WSCD1: variants seen among roughly 807,000 people sequenced by gnomAD.
WSCD1 encodes the protein sialate:O-sulfotransferase 1.
WSCD1 carries 41 observed loss-of-function variants against 60.4 expected under a neutral mutation model. The observed-to-expected ratio is 0.68, with a 90% CI of 0.53 to 0.88. The LOEUF (loss-of-function observed/expected upper bound fraction) is 0.88, where lower values mean the gene tolerates loss of function less well. Ranked by LOEUF, WSCD1 falls within the 40% of genes least tolerant of loss-of-function variation. The pLI is 0.00. For synonymous variants in WSCD1, 361 were observed against 332.5 expected, an observed-to-expected ratio of 1.09 and a Z score of -0.93; for missense variants, 784 against 796.2, an observed-to-expected ratio of 0.98 and a Z score of 0.18.
intron 1 of WSCD1, among the ~76,000 whole-genome samples, chr17:6,076,237 C>T (rs1183021279): frequency 6.6e-6 from 1 of 152,100 alleles, no homozygotes; most frequent in East Asian, 1.9e-4. Flanking sequence ...ATGGGGTATG[C>T]GGGGCATTTG....
rs972842866 is a variant in WSCD1, at chr17:6,110,691, G to C, written c.1010-80G>C. ...ATTAAATGGGAGTCTTCGTTCATCA[G>C]TTCCTCTAAGGGAGTTTAGTGGTGA... On this transcript the variant is annotated intron_variant, in intron 6 of 8. Coordinates refer to ENST00000317744, the MANE Select transcript of WSCD1 (RefSeq NM_015253.2). This position sits in a 1 kb window ranked among gnomAD's most constrained non-coding sequence, Gnocchi z 4.8. 2 of 1,494,838 alleles carry C rather than the reference G, an allele frequency of 1.3e-6. No homozygotes were observed. Among genetic ancestry groups the C allele is most frequent in the Non-Finnish European group, 1.8e-6 (2 of 1,110,364 alleles). The allele number at this position is 1,494,838 out of a possible 1,614,324, so 92.6% of individuals were successfully genotyped here.
intron 5 of WSCD1, among the ~76,000 whole-genome samples, chr17:6,107,643 A>G (rs1303292873): frequency 6.6e-6 from 1 of 152,194 alleles, no homozygotes; most frequent in African/African-American, 2.4e-5. Flanking sequence ...TGAGACACAG[A>G]TGGGCCGCCG....
chr17:6,099,385 C>T (rs997825703), intron 5 of WSCD1, among the ~76,000 whole-genome samples: 1 of 151,902 alleles, frequency 6.6e-6, no homozygotes, highest in Non-Finnish European at 1.5e-5. Flanking sequence ...TGTGGTGGCG[C>T]CTGCCTGTAG....
At position 6,080,636 on chromosome 17, in the gene WSCD1, C is replaced by T. The variant is rs779374229; in HGVS notation, c.-23C>T. On this transcript the variant is annotated 5_prime_UTR_variant, in exon 2 of 9. Transcript: ENST00000317744. The surrounding 1 kb of genome is among the most constrained non-coding windows in gnomAD (Gnocchi z 6.6). ...CTAGGAGCCATCCCGGGGCTCCAGC[C>T]AGGAGCCCTGCTGCCCAGGGGCATG... The T allele has an allele frequency of 1.9e-6, 3 of 1,611,464 alleles. No individual in the cohort carries two copies. Among genetic ancestry groups the T allele is most frequent in the South Asian group, 2.2e-5 (2 of 90,860 alleles).
At chr17:6,114,153 T>TAA (rs370433776) in intron 7 of WSCD1, among the ~76,000 whole-genome samples, 12,554 of 124,954 alleles carry the variant, frequency 0.1, 801 homozygotes, top group Non-Finnish European at 0.13. Flanking sequence ...TAGTTAGCCG[T>TAA]AAAAAAAAAA....
intron 5 of WSCD1, among the ~76,000 whole-genome samples, chr17:6,099,677 G>A (rs1236870589): frequency 1.3e-5 from 2 of 152,090 alleles, no homozygotes; most frequent in Non-Finnish European, 2.9e-5. Flanking sequence ...GGACTAAGGT[G>A]GGAGGGCCAG....
chr17:6,107,840 G>A (rs193257336), intron 5 of WSCD1, among the ~76,000 whole-genome samples: 1 of 152,340 alleles, frequency 6.6e-6, no homozygotes, highest in East Asian at 1.9e-4. Flanking sequence ...GGAAAAGCCA[G>A]CAGTGTTGAG....
rs1180084124 is a variant in WSCD1, at chr17:6,124,296, A to C, written c.*3635A>C. The C allele has an allele frequency of 6.6e-6, 1 of 152,184 alleles. No homozygotes were observed. Among genetic ancestry groups the C allele is most frequent in the Non-Finnish European group, 1.5e-5 (1 of 68,026 alleles). The allele number at this position is 152,184 out of a possible 1,614,324, so 9.4% of individuals were successfully genotyped here. Reference sequence around the variant, plus strand: ...ACGTGAAGCTGACACCACTGAAGGGAGAGTTGAGAGGCAGAAAGAGATCAA... The same window carrying C: ...ACGTGAAGCTGACACCACTGAAGGGCGAGTTGAGAGGCAGAAAGAGATCAA... On this transcript the variant is annotated 3_prime_UTR_variant, in exon 9 of 9. Coordinates refer to ENST00000317744, the MANE Select transcript of WSCD1 (RefSeq NM_015253.2).
rs1389087575 is a variant in WSCD1, at chr17:6,087,987, C to T, written c.428-3C>T. 21 of 1,609,922 alleles carry T rather than the reference C, an allele frequency of 1.3e-5. No homozygotes were observed. Among genetic ancestry groups the T allele is most frequent in the Non-Finnish European group, 1.8e-5 (21 of 1,176,396 alleles). ...GGTATTAGCCATGCTTCCCTTTCTG[C>T]AGGCACCTACATTGGATGCTTCAGT... On this transcript the variant is annotated splice_polypyrimidine_tract_variant and splice_region_variant and intron_variant, in intron 2 of 8. Transcript: ENST00000317744.
chr17:6,069,428 T>TGTGA (rs1235555465), upstream of WSCD1: 1 of 229,762 alleles, frequency 4.4e-6, no homozygotes, highest in Non-Finnish European at 7.8e-6. Flanking sequence ...TGTGTGTGTG[T>TGTGA]GAGAGAGAGA....
chr17:6,091,014 C>T (rs951451830), intron 4 of WSCD1, among the ~76,000 whole-genome samples: 1 of 152,118 alleles, frequency 6.6e-6, no homozygotes, highest in Non-Finnish European at 1.5e-5. Flanking sequence ...CCTCAGCCTC[C>T]CGAGGAGCTA....
intron 5 of WSCD1, among the ~76,000 whole-genome samples, chr17:6,097,792 A>G (rs1189745210): frequency 6.6e-6 from 1 of 151,996 alleles, no homozygotes; most frequent in African/African-American, 2.4e-5. Context: ...GATTGTATTC[A>G]TTTTATACCC....
chr17:6,084,386 A>G (rs1909488842), intron 2 of WSCD1, among the ~76,000 whole-genome samples: 1 of 152,238 alleles, frequency 6.6e-6, no homozygotes, highest in Non-Finnish European at 1.5e-5. Flanking sequence ...GGCCAAGCAC[A>G]GCCAGTCCGG....
At chr17:6,113,971 C>G (rs78996990) in intron 7 of WSCD1, among the ~76,000 whole-genome samples, 3,007 of 151,924 alleles carry the variant, frequency 0.02, 35 homozygotes, top group Non-Finnish European at 0.021. Context: ...TATATATGAT[C>G]CAGCAATCCC....
At chr17:6,069,325 CTTTA>C (rs1455866467), upstream of WSCD1, 7 of 398,358 alleles carry the variant, frequency 1.8e-5, no homozygotes, top group African/African-American at 1.4e-4. Context: ...TGGATCCAGC[CTTTA>C]TTTAAAGAGG....
At chr17:6,108,024 G>A (rs999334265) in intron 5 of WSCD1, among the ~76,000 whole-genome samples, 3 of 152,102 alleles carry the variant, frequency 2.0e-5, no homozygotes, top group Non-Finnish European at 4.4e-5. Context: ...GGCTTTCCTT[G>A]GGGGCTGCTT....
chr17:6,069,422 TGTGTGTGAGAGAGA>T (rs757957429), upstream of WSCD1: 3,752 of 315,764 alleles, frequency 0.012, 42 homozygotes, highest in African/African-American at 0.067. Flanking sequence ...TGTGTGTGTG[TGTGTGTGAGAGAGA>T]GAGAGAGAGA....
intron 5 of WSCD1, among the ~76,000 whole-genome samples, chr17:6,098,503 C>G (rs1910593807): frequency 6.6e-6 from 1 of 152,228 alleles, no homozygotes; most frequent in Non-Finnish European, 1.5e-5. Context: ...GTTCCCTTCT[C>G]TGCTATGGCC....
chr17:6,098,432 T>C (rs1041706272), intron 5 of WSCD1, among the ~76,000 whole-genome samples: 1 of 152,242 alleles, frequency 6.6e-6, no homozygotes, highest in African/African-American at 2.4e-5. Flanking sequence ...GCTCTTGGTG[T>C]CTTGTGCTAT....
Sources: allele counts gnomAD v4.1 joint callset (sites outside exome capture counted in the v4.1 genomes callset), GRCh38; gene constraint gnomAD v4.1.1; non-coding constraint Gnocchi (gnomAD v3.1); transcripts MANE v1.5; gene names NCBI Gene and HGNC (gene_info 2026-07-23, HGNC 2026-07-21).